GALNTL6: variants seen among roughly 807,000 people sequenced by gnomAD.
GALNTL6 encodes the protein polypeptide N-acetylgalactosaminyltransferase-like 6.
A neutral mutation model predicts 73.7 loss-of-function variants in GALNTL6; 46 were observed. The observed-to-expected ratio is 0.62, with a 90% confidence interval of 0.49 to 0.80. The LOEUF is 0.80. Ranked by LOEUF, GALNTL6 falls within the 30% of genes least tolerant of loss-of-function variation. GALNTL6 has a pLI of 0.00. For missense variants in GALNTL6, 604 were observed against 755.0 expected, an observed-to-expected ratio of 0.80 and a Z score of 2.34; for synonymous variants, 259 against 263.7, an observed-to-expected ratio of 0.98 and a Z score of 0.17.
chr4:172,820,746 G>T (rs77986770), intron 7 of GALNTL6, among the ~76,000 whole-genome samples: 1,660 of 152,218 alleles, frequency 0.011, 28 homozygotes, highest in African/African-American at 0.035. Context: ...AATTTTGCAT[G>T]ATCTCCATGC....
At chr4:171,968,850 G>A (rs1002450064) in intron 2 of GALNTL6, among the ~76,000 whole-genome samples, 1 of 150,042 alleles carries the variant, frequency 6.7e-6, no homozygotes. Context: ...GTGGGGGGGG[G>A]GTTGGGGACA....
chr4:172,775,985 T>C (rs894050357), intron 5 of GALNTL6, among the ~76,000 whole-genome samples: 1 of 151,952 alleles, frequency 6.6e-6, no homozygotes, highest in Non-Finnish European at 1.5e-5. Flanking sequence ...CTGAGTGAGG[T>C]AGGGAGGAGA....
At position 172,570,308 on chromosome 4, in the gene GALNTL6, T is replaced by C. The variant is rs968184432; in HGVS notation, c.553+221619T>C. ...GTGGAGGATGGGAGAAGGCTGGTGG[T>C]TTGCAGGAAAAGGATAACCAGTGGG... On this transcript the variant is annotated intron_variant, in intron 5 of 12. Coordinates refer to ENST00000506823, the MANE Select transcript of GALNTL6 (RefSeq NM_001034845.3). Among the ~76,000 whole-genome samples the C allele has an allele frequency of 3.9e-5, 6 of 152,046 alleles. No individual in the cohort carries two copies. In the East Asian group the frequency reaches 1.2e-3, roughly 29 times the overall value.
At chr4:172,011,975 T>G (rs1269950053) in intron 2 of GALNTL6, among the ~76,000 whole-genome samples, 1 of 151,964 alleles carries the variant, frequency 6.6e-6, no homozygotes, top group Non-Finnish European at 1.5e-5. Flanking sequence ...TAATGGAGAA[T>G]TTTTTAAAAA....
chr4:172,826,976 G>C (rs1742303575), intron 7 of GALNTL6, among the ~76,000 whole-genome samples: 1 of 152,154 alleles, frequency 6.6e-6, no homozygotes, highest in Admixed American at 6.5e-5. Context: ...AAGTCACAGT[G>C]GGGGGCAGGT....
At chr4:172,498,251 G>A (rs900221433) in intron 5 of GALNTL6, among the ~76,000 whole-genome samples, 1 of 151,956 alleles carries the variant, frequency 6.6e-6, no homozygotes, top group Non-Finnish European at 1.5e-5. Context: ...ACCTCCCAAA[G>A]TGCTGGGATT....
At chr4:172,790,040 G>C (rs1031326631) in intron 5 of GALNTL6, among the ~76,000 whole-genome samples, 1 of 152,194 alleles carries the variant, frequency 6.6e-6, no homozygotes, top group Non-Finnish European at 1.5e-5. Context: ...ATCCGAAATA[G>C]TTTTTTAACC....
chr4:172,556,388 C>T (rs1423456954), intron 5 of GALNTL6, among the ~76,000 whole-genome samples: 1 of 151,950 alleles, frequency 6.6e-6, no homozygotes, highest in African/African-American at 2.4e-5. Flanking sequence ...AGGGTCTCTC[C>T]CCATGTGACA....
At chr4:172,288,207 C>G (rs928462527) in intron 3 of GALNTL6, among the ~76,000 whole-genome samples, 3 of 151,992 alleles carry the variant, frequency 2.0e-5, no homozygotes, top group African/African-American at 7.2e-5. Context: ...TCTTCCGCCT[C>G]AGCCTCCTGA....
intron 5 of GALNTL6, among the ~76,000 whole-genome samples, chr4:172,735,532 A>G (rs1000582310): frequency 6.6e-6 from 1 of 152,110 alleles, no homozygotes; most frequent in African/African-American, 2.4e-5. Flanking sequence ...GAGAACTTGG[A>G]CTGTGGGCTT....
intron 2 of GALNTL6, among the ~76,000 whole-genome samples, chr4:171,947,866 G>A (rs967394682): frequency 1.3e-5 from 2 of 152,142 alleles, no homozygotes; most frequent in African/African-American, 4.8e-5. Flanking sequence ...TCTCACAAAT[G>A]TCAATGGTTA....
At chr4:172,710,753 C>A (rs1304555786) in intron 5 of GALNTL6, among the ~76,000 whole-genome samples, 1 of 151,802 alleles carries the variant, frequency 6.6e-6, no homozygotes, top group Non-Finnish European at 1.5e-5. Flanking sequence ...ATTATTAAAT[C>A]GATAATTTTT....
At chr4:172,672,594 A>T (rs1732051371) in intron 5 of GALNTL6, among the ~76,000 whole-genome samples, 1 of 152,198 alleles carries the variant, frequency 6.6e-6, no homozygotes, top group South Asian at 2.1e-4. Flanking sequence ...AAATGGTATC[A>T]GCTCTTCTTT....
chr4:172,490,031 A>G (rs770764597), intron 5 of GALNTL6, among the ~76,000 whole-genome samples: 2 of 152,186 alleles, frequency 1.3e-5, no homozygotes, highest in Non-Finnish European at 2.9e-5. Context: ...TGGGATGTTT[A>G]AGGACTTTTA....
chr4:172,255,836 T>G (rs1395053645), intron 3 of GALNTL6, among the ~76,000 whole-genome samples: 1 of 151,222 alleles, frequency 6.6e-6, no homozygotes, highest in Non-Finnish European at 1.5e-5. Context: ...TATTTTAAAT[T>G]AAAAAGAGAA....
At chr4:172,250,193 G>T (rs1737809073) in intron 3 of GALNTL6, among the ~76,000 whole-genome samples, 2 of 152,144 alleles carry the variant, frequency 1.3e-5, no homozygotes, top group African/African-American at 2.4e-5. Flanking sequence ...GTGACTCCAT[G>T]TGAGTCATGG....
At chr4:172,622,665 G>C (rs1739009826) in intron 5 of GALNTL6, among the ~76,000 whole-genome samples, 1 of 152,106 alleles carries the variant, frequency 6.6e-6, no homozygotes, top group African/African-American at 2.4e-5. Flanking sequence ...GAATGCATGA[G>C]AGGCTGATAG....
At chr4:172,849,745 A>G (rs1459005947) in intron 7 of GALNTL6, among the ~76,000 whole-genome samples, 1 of 152,160 alleles carries the variant, frequency 6.6e-6, no homozygotes, top group African/African-American at 2.4e-5. Context: ...TTTAATCTAC[A>G]TGCAAAACCT....
At chr4:172,758,059 C>A (rs1737850775) in intron 5 of GALNTL6, among the ~76,000 whole-genome samples, 1 of 152,142 alleles carries the variant, frequency 6.6e-6, no homozygotes. Context: ...CCCTCTCTCT[C>A]AAGAGGTAAC....
Sources: gnomAD v4.1 joint callset for allele counts (sites outside exome capture counted in the v4.1 genomes callset) on GRCh38, gnomAD v4.1.1 for gene constraint, MANE v1.5 for transcripts, NCBI Gene and HGNC (gene_info 2026-07-23, HGNC 2026-07-21) for gene names.